The following TSC1 variants were observed in gnomAD, a reference collection of about 807,000 sequenced individuals.
The protein encoded by TSC1 is hamartin.
TSC1 carries 20 observed loss-of-function variants against 124.3 expected under a neutral mutation model. The observed-to-expected ratio is 0.16, with a 90% CI of 0.11 to 0.23. TSC1 has a LOEUF of 0.23. Ranked by LOEUF, TSC1 falls within the 10% of genes least tolerant of loss-of-function variation. TSC1 has a pLI of 1.00. For synonymous variants in TSC1, 493 were observed against 539.1 expected, an observed-to-expected ratio of 0.91 and a Z score of 1.19; for missense variants, 1,124 against 1,448.5, an observed-to-expected ratio of 0.78 and a Z score of 3.64.
At position 132,894,022 on chromosome 9, in the gene TSC1, G is replaced by A. The variant is rs539030496; in HGVS notation, c.*2213C>T. 4.3e-6 allele frequency: 1 copy of A among 233,452 alleles called. No homozygotes were observed. The highest frequency in any genetic ancestry group is 6.0e-5 in the East Asian group (1 of 16,558). The allele number at this position is 233,452 out of a possible 1,614,324, so 14.5% of individuals were successfully genotyped here. On this transcript the variant is annotated 3_prime_UTR_variant, in exon 23 of 23. Coordinates refer to ENST00000298552, the MANE Select transcript of TSC1 (RefSeq NM_000368.5). ...AGGTCTCATTCTCCCAACCGTAGTT[G>A]AATAAAACCCACAGCCTCCTAGAAC... is the stretch of plus-strand genomic sequence containing the variant.
intron 20 of TSC1, among the ~76,000 whole-genome samples, chr9:132,898,312 C>T (rs943500919): frequency 6.6e-6 from 1 of 152,238 alleles, no homozygotes; most frequent in African/African-American, 2.4e-5. Context: ...AGCAAGTACA[C>T]ACTAATGCTC....
intron 15 of TSC1, among the ~76,000 whole-genome samples, chr9:132,905,242 C>T (rs1432260263): frequency 6.6e-6 from 1 of 152,146 alleles, no homozygotes; most frequent in Non-Finnish European, 1.5e-5. Context: ...TTCTTATATT[C>T]TTTGAAATAC....
At chr9:132,905,491 G>A in intron 15 of TSC1, 90 bp downstream of exon 15, 1 of 1,582,286 alleles carries the variant, frequency 6.3e-7, no homozygotes, top group Non-Finnish European at 8.6e-7. Context: ...GTGGGAGTGT[G>A]AAGAATGATT....
chr9:132,935,362 T>C (rs1479272346), intron 1 of TSC1, among the ~76,000 whole-genome samples: 1 of 152,246 alleles, frequency 6.6e-6, no homozygotes, highest in African/African-American at 2.4e-5. Flanking sequence ...TATAAATGAA[T>C]GGGCAGGATA....
chr9:132,916,321 T>C (rs2132064596), intron 8 of TSC1, among the ~76,000 whole-genome samples: 1 of 152,330 alleles, frequency 6.6e-6, no homozygotes, highest in East Asian at 1.9e-4. Flanking sequence ...CTCTGGCAGC[T>C]GCTTCCAATT....
Position 132,927,406 on chromosome 9 carries a change from A to G in TSC1, c.107-102T>C, listed in dbSNP as rs1588360230. On this transcript the variant is annotated intron_variant, in intron 3 of 22. Transcript: ENST00000298552. Reference sequence around the variant, plus strand: ...CAAAATCCAGAAAATGTTTCTTTATATGCTATTCTAAGTTTTGTGCAGCAT... The same window carrying G: ...CAAAATCCAGAAAATGTTTCTTTATGTGCTATTCTAAGTTTTGTGCAGCAT... 2.8e-6 allele frequency: 3 copies of G among 1,067,752 alleles called. No homozygotes were observed. The East Asian group carries it at 7.8e-5, about 28-fold the overall frequency. The allele number at this position is 1,067,752 out of a possible 1,614,324, so 66.1% of individuals were successfully genotyped here. A position where few individuals can be genotyped will look rare whatever the true frequency, so the allele number is the denominator to read the frequency against.
At chr9:132,910,218 A>C in intron 12 of TSC1, 2 of 511,012 alleles carry the variant, frequency 3.9e-6, no homozygotes, top group South Asian at 5.6e-5. Flanking sequence ...GGAGGATTGC[A>C]TGAGTCTGGG....
In TSC1 at chr9:132,923,192, T is replaced by C. The variant is rs1171721645; in HGVS notation, c.508+156A>G. ...TCATGTTTCTTCTATGTGCCTGTAG[T>C]GGATGCACCCAAGATATTCCCTCAT... On this transcript the variant is annotated intron_variant, in intron 6 of 22. Transcript: ENST00000298552. This position sits in a 1 kb window ranked among gnomAD's most constrained non-coding sequence, Gnocchi z 4.2. 6.6e-6 allele frequency among the ~76,000 whole-genome samples: 1 copy of C among 152,224 alleles called. No homozygotes were observed. The highest frequency in any genetic ancestry group is 1.5e-5 in the Non-Finnish European group (1 of 68,040).
chr9:132,897,330 G>A lies in TSC1; in HGVS notation c.2829C>T (p.Ala943=), dbSNP rs4962081. ...VKLQARGQLQ[A]AESRYEAQKR... ...TCTGAGCCTCATACCTGCTCTCTGCGGCCTGCAGCTGTCCTCTGAAAGATA... is the reference window on the plus strand; with the variant it reads ...TCTGAGCCTCATACCTGCTCTCTGCAGCCTGCAGCTGTCCTCTGAAAGATA... The change falls in exon 22 of 23, where the codon GCC becomes GCT. Residue 943 remains alanine, a synonymous_variant. Transcript: ENST00000298552. 0.081 allele frequency: 130,777 copies of A among 1,614,032 alleles called. 5,782 individuals carry two copies. The highest frequency in any genetic ancestry group is 0.14 in the Admixed American group (8,366 of 60,016).
chr9:132,906,551 A>C lies in TSC1; in HGVS notation c.1438+180T>G. The C allele has an allele frequency of 3.4e-6, 1 of 297,216 alleles. No homozygotes were observed. The highest frequency in any genetic ancestry group is 2.2e-5 in the African/African-American group (1 of 45,430). The allele number at this position is 297,216 out of a possible 1,614,324, so 18.4% of individuals were successfully genotyped here. A position where few individuals can be genotyped will look rare whatever the true frequency, so the allele number is the denominator to read the frequency against. On this transcript the variant is annotated intron_variant, in intron 14 of 22. Coordinates refer to ENST00000298552, the MANE Select transcript of TSC1 (RefSeq NM_000368.5). The surrounding 1 kb of genome is among the most constrained non-coding windows in gnomAD (Gnocchi z 4.1). ...GTGACAGAGCAAGACCCTGTCTCAAAAAAAAAAAAAAAAAAAGTGGCATCA... is the reference window on the plus strand; with the variant it reads ...GTGACAGAGCAAGACCCTGTCTCAACAAAAAAAAAAAAAAAAGTGGCATCA...
chr9:132,939,876 T>C (rs1358587992), intron 1 of TSC1, among the ~76,000 whole-genome samples: 1 of 152,170 alleles, frequency 6.6e-6, no homozygotes, highest in Non-Finnish European at 1.5e-5. Flanking sequence ...TTCTCAGGCC[T>C]TTCACTAGAT....
rs1323707966 is a variant in TSC1, at chr9:132,895,968, G to A, written c.*267C>T. On this transcript the variant is annotated 3_prime_UTR_variant, in exon 23 of 23. Coordinates refer to ENST00000298552, the MANE Select transcript of TSC1 (RefSeq NM_000368.5). ...GGGAAAGGAAGAAAGTAAAGCTACT[G>A]AGGAACACCAACTGGCCCTTGGATT... The A allele has an allele frequency of 3.7e-6, 2 of 536,130 alleles. No individual in the cohort carries two copies. Among genetic ancestry groups the A allele is most frequent in the South Asian group, 2.1e-5 (1 of 48,194 alleles). 33.2% of individuals were successfully genotyped at this position (536,130 alleles called of 1,614,324 possible). A position where few individuals can be genotyped will look rare whatever the true frequency, so the allele number is the denominator to read the frequency against.
intron 20 of TSC1, among the ~76,000 whole-genome samples, chr9:132,898,333 C>T (rs899412222): frequency 5.3e-5 from 8 of 152,120 alleles, no homozygotes; most frequent in East Asian, 1.9e-4. Context: ...AGAAAGAAGG[C>T]GGAAAGGGTA....
chr9:132,921,797 C>T lies in TSC1; in HGVS notation c.663+22G>A. ...TCTAAACAGTATACTAAGTAGCAAACAAACAAGCAGTTTCAATTTACCTTG... is the reference window on the plus strand; with the variant it reads ...TCTAAACAGTATACTAAGTAGCAAATAAACAAGCAGTTTCAATTTACCTTG... On this transcript the variant is annotated intron_variant, in intron 7 of 22. Coordinates refer to ENST00000298552, the MANE Select transcript of TSC1 (RefSeq NM_000368.5). The surrounding 1 kb of genome is among the most constrained non-coding windows in gnomAD (Gnocchi z 4.3). 6.2e-7 allele frequency: 1 copy of T among 1,613,974 alleles called. No individual in the cohort carries two copies. The highest frequency in any genetic ancestry group is 1.7e-5 in the Admixed American group (1 of 60,032).
rs181486656 is a variant in TSC1, at chr9:132,896,119, T to C, written c.*116A>G. 509 of 1,504,764 alleles carry C rather than the reference T, an allele frequency of 3.4e-4. 1 individual carries two copies. The highest frequency in any genetic ancestry group is 4.4e-4 in the Non-Finnish European group (475 of 1,090,672). The allele number at this position is 1,504,764 out of a possible 1,614,324, so 93.2% of individuals were successfully genotyped here. On this transcript the variant is annotated 3_prime_UTR_variant, in exon 23 of 23. Transcript: ENST00000298552. The surrounding 1 kb of genome is among the most constrained non-coding windows in gnomAD (Gnocchi z 4.5). ...AGCTGTCCAAAGGACCTCCGTCCCATTTCCACACATGAACTTGCACTCAGA... is the reference window on the plus strand; with the variant it reads ...AGCTGTCCAAAGGACCTCCGTCCCACTTCCACACATGAACTTGCACTCAGA...
intron 8 of TSC1, among the ~76,000 whole-genome samples, chr9:132,917,279 T>A (rs984962708): frequency 1.3e-5 from 2 of 149,546 alleles, no homozygotes; most frequent in African/African-American, 4.9e-5. Flanking sequence ...AATCCTAGGA[T>A]TTTTTTTTTG....
Position 132,893,957 on chromosome 9 carries a change from A to G in TSC1, c.*2278T>C, listed in dbSNP as rs1844896785. 4.3e-6 allele frequency: 1 copy of G among 233,320 alleles called. No homozygotes were observed. The highest frequency in any genetic ancestry group is 8.5e-6 in the Non-Finnish European group (1 of 118,056). 14.5% of individuals were successfully genotyped at this position (233,320 alleles called of 1,614,324 possible). ...GACTCTGGAGTTCTTTGCAACATGA[A>G]AGCCTACATTTTTAGGTTGGGCACC... On this transcript the variant is annotated 3_prime_UTR_variant, in exon 23 of 23. Coordinates refer to ENST00000298552, the MANE Select transcript of TSC1 (RefSeq NM_000368.5).
At chr9:132,900,027 C>CT (rs200047376) in intron 20 of TSC1, 5,368 of 152,814 alleles carry the variant, frequency 0.035, 157 homozygotes, top group Non-Finnish European at 0.054. Context: ...GAAAATTACT[C>CT]TCTCCAGTTC....
At position 132,901,871 on chromosome 9, in the gene TSC1, C is replaced by A. The variant is rs1364201875; in HGVS notation, c.2392-172G>T. On this transcript the variant is annotated intron_variant, in intron 18 of 22. Coordinates refer to ENST00000298552, the MANE Select transcript of TSC1 (RefSeq NM_000368.5). ...TTAAAAAGTAAGTTATGGTTGATTT[C>A]TGAGTTCCTTACTGTTTAACAAAAG... The A allele has an allele frequency of 1.1e-5, 7 of 617,720 alleles. No individual in the cohort carries two copies. The South Asian group carries it at 1.4e-4, about 12-fold the overall frequency. The allele number at this position is 617,720 out of a possible 1,614,324, so 38.3% of individuals were successfully genotyped here.
Sources: gnomAD v4.1 joint callset for allele counts (sites outside exome capture counted in the v4.1 genomes callset) on GRCh38, gnomAD v4.1.1 for gene constraint, Gnocchi (gnomAD v3.1) non-coding constraint, MANE v1.5 for transcripts, NCBI Gene and HGNC (gene_info 2026-07-23, HGNC 2026-07-21) for gene names.